FBXO46: variants seen among roughly 807,000 people sequenced by gnomAD.
The protein encoded by FBXO46 is F-box only protein 46.
Under a neutral mutation model 30.7 loss-of-function variants are expected in FBXO46, and 13 were observed. The ratio of observed to expected loss-of-function variants is 0.42; its 90% CI spans 0.28 to 0.67. The LOEUF (loss-of-function observed/expected upper bound fraction) is 0.67. FBXO46 is among the 30% of genes least tolerant of loss of function. The probability of loss-of-function intolerance (pLI) is 0.21; values close to 1 mark genes in which losing one functional copy is unlikely to be tolerated. For missense variants in FBXO46, 754 were observed against 871.5 expected (o/e 0.87, Z 1.70); for synonymous variants, 467 against 385.8 (o/e 1.21, Z -2.47).
chr19:45,711,611 G>C lies in FBXO46; in HGVS notation c.*73C>G. 5 of 1,224,138 alleles carry C rather than the reference G, an allele frequency of 4.1e-6. No individual in the cohort carries two copies. The highest frequency in any genetic ancestry group is 5.8e-6 in the Non-Finnish European group (5 of 862,780). 75.8% of individuals were successfully genotyped at this position (1,224,138 alleles called of 1,614,324 possible). On this transcript the variant is annotated 3_prime_UTR_variant, in exon 2 of 2. Transcript: ENST00000317683. ...AGTAGGGGAATGGGCAGGCGGCCCA[G>C]TCCGGACCCTCGGCTCCCGGGGGGA...
upstream of FBXO46, among the ~76,000 whole-genome samples, chr19:45,731,827 A>C (rs1968319023): frequency 6.6e-6 from 1 of 151,040 alleles, no homozygotes; most frequent in South Asian, 2.1e-4. Flanking sequence ...GCCTCTTAAA[A>C]TAAAAGAAGG....
chr19:45,732,764 T>C (rs1482997760), upstream of FBXO46, among the ~76,000 whole-genome samples: 3 of 151,658 alleles, frequency 2.0e-5, no homozygotes, highest in Non-Finnish European at 4.4e-5. Context: ...CTAATTTTTG[T>C]ATTTTTAGCC....
intron 1 of FBXO46, among the ~76,000 whole-genome samples, chr19:45,719,598 C>T (rs1258700244): frequency 1.3e-5 from 2 of 152,232 alleles, no homozygotes; most frequent in Non-Finnish European, 2.9e-5. Context: ...TCAATCTACA[C>T]CCTTGGTTGA....
In FBXO46 at chr19:45,712,303, C is replaced by G; in HGVS notation, c.1193G>C (p.Ser398Thr). ...GCCCGGAGGCGGCGGTTCCTCCGGGCTGACCGTCAGGCACACAGTCTCCTC... is the reference window on the plus strand; with the variant it reads ...GCCCGGAGGCGGCGGTTCCTCCGGGGTGACCGTCAGGCACACAGTCTCCTC... Reference protein sequence around the residue: ...VKEETVCLTVSPEEPPPPGQL... With the variant: ...VKEETVCLTVTPEEPPPPGQL... The change falls in exon 2 of 2, where the codon AGC becomes ACC. Residue 398 changes from serine (S) to threonine (T), a missense_variant. By Grantham distance (58) the Ser-to-Thr change is moderately conservative. Coordinates refer to ENST00000317683, the MANE Select transcript of FBXO46 (RefSeq NM_001080469.2). The surrounding 1 kb of genome is among the most constrained non-coding windows in gnomAD (Gnocchi z 8.8). 6.2e-7 allele frequency: 1 copy of G among 1,601,936 alleles called. No individual in the cohort carries two copies. Among genetic ancestry groups the G allele is most frequent in the East Asian group, 2.2e-5 (1 of 44,858 alleles).
intron 1 of FBXO46, among the ~76,000 whole-genome samples, chr19:45,728,362 C>T (rs1968265803): frequency 6.6e-6 from 1 of 152,232 alleles, no homozygotes; most frequent in African/African-American, 2.4e-5. Flanking sequence ...TTCCTCTCTA[C>T]TGCCTTCTCT....
Position 45,712,642 on chromosome 19 carries a change from C to G in FBXO46, c.854G>C (p.Arg285Thr), listed in dbSNP as rs1489987544. The change falls in exon 2 of 2, where the codon AGG (arginine) becomes ACG (threonine). Residue 285 changes from arginine (R) to threonine (T), a missense_variant. Arg to Thr is a moderately conservative substitution (Grantham distance 71). This residue lies in a region of FBXO46 where 454 missense variants were observed against 426.5 expected (regional missense o/e 1.06). Coordinates refer to ENST00000317683, the MANE Select transcript of FBXO46 (RefSeq NM_001080469.2). This position sits in a 1 kb window ranked among gnomAD's most constrained non-coding sequence, Gnocchi z 8.8. ...DSGLPSGGGG[R>T]PGCAYPGSPG... ...GCTGCCAGGGTAGGCACAACCAGGCCTGCCCCCGCCCCCACTGGGCAGGCC... is the reference window on the plus strand; with the variant it reads ...GCTGCCAGGGTAGGCACAACCAGGCGTGCCCCCGCCCCCACTGGGCAGGCC... 1.7e-5 allele frequency: 28 copies of G among 1,607,112 alleles called. No individual in the cohort carries two copies. Among genetic ancestry groups the G allele is most frequent in the Non-Finnish European group, 2.4e-5 (28 of 1,176,682 alleles).
intron 1 of FBXO46, among the ~76,000 whole-genome samples, chr19:45,717,778 T>TGGGGGCGGGGGGCG (rs1441771150): frequency 3.4e-5 from 3 of 88,640 alleles, no homozygotes; most frequent in African/African-American, 1.3e-4. Flanking sequence ...TTGGGAACTG[T>TGGGGGCGGGGGGCG]GGGGGCGGGG....
Position 45,713,601 on chromosome 19 carries a change from G to T in FBXO46, c.-78-28C>A. 2.1e-6 allele frequency: 2 copies of T among 932,974 alleles called. No homozygotes were observed. The highest frequency in any genetic ancestry group is 2.7e-5 in the East Asian group (1 of 37,406). 57.8% of individuals were successfully genotyped at this position (932,974 alleles called of 1,614,324 possible). A position where few individuals can be genotyped will look rare whatever the true frequency, so the allele number is the denominator to read the frequency against. The stretch of plus-strand genomic sequence containing the variant: ...GGAGACACGAAGAGGAGGTTGGGGA[G>T]CTAGGGGGACAGCCTTTCTTCCCAG... On this transcript the variant is annotated intron_variant, in intron 1 of 1. Coordinates refer to ENST00000317683, the MANE Select transcript of FBXO46 (RefSeq NM_001080469.2). This position sits in a 1 kb window ranked among gnomAD's most constrained non-coding sequence, Gnocchi z 4.7.
At chr19:45,725,021 A>T (rs755084562) in intron 1 of FBXO46, among the ~76,000 whole-genome samples, 2 of 151,982 alleles carry the variant, frequency 1.3e-5, no homozygotes, top group Non-Finnish European at 2.9e-5. Context: ...GATACTCTGG[A>T]GGCTGAAGCA....
At position 45,712,510 on chromosome 19, in the gene FBXO46, C is replaced by T. The variant is rs1480209239; in HGVS notation, c.986G>A (p.Arg329Lys). The T allele has an allele frequency of 6.2e-7, 1 of 1,603,656 alleles. No individual in the cohort carries two copies. The highest frequency in any genetic ancestry group is 8.5e-7 in the Non-Finnish European group (1 of 1,174,494). ...GTCACCCTCACTGGCCTCATCCGCC[C>T]TGGCCAGCAGGAACTCCACGTTGCT... ...LPSNVEFLLA[R>K]ADEASEGDSP... Residue 329 changes from arginine (R) to lysine (K), a missense_variant, in exon 2 of 2, where the codon AGG (arginine) becomes AAG (lysine). Coordinates refer to ENST00000317683, the MANE Select transcript of FBXO46 (RefSeq NM_001080469.2). The surrounding 1 kb of genome is among the most constrained non-coding windows in gnomAD (Gnocchi z 8.8).
chr19:45,721,615 C>G (rs1206828550), intron 1 of FBXO46, among the ~76,000 whole-genome samples: 1 of 148,544 alleles, frequency 6.7e-6, no homozygotes, highest in Middle Eastern at 3.6e-3. Context: ...TGCAGTGGCA[C>G]GATCTCGGCT....
At position 45,712,050 on chromosome 19, in the gene FBXO46, G is replaced by A; in HGVS notation, c.1446C>T (p.Val482=). The A allele has an allele frequency of 6.2e-7, 1 of 1,611,890 alleles. No homozygotes were observed. Among genetic ancestry groups the A allele is most frequent in the South Asian group, 1.1e-5 (1 of 90,862 alleles). The part of the protein sequence containing the change: ...YMLLLPEHVL[V]KIFSFLPTRA... The stretch of plus-strand genomic sequence containing the variant: ...GCGTGGGCAGGAAGCTGAAGATCTT[G>A]ACCAGCACGTGCTCGGGCAGCAGCA... Residue 482 remains valine, a synonymous_variant, in exon 2 of 2, where the codon GTC becomes GTT. Transcript: ENST00000317683. The surrounding 1 kb of genome is among the most constrained non-coding windows in gnomAD (Gnocchi z 8.8).
intron 1 of FBXO46, chr19:45,716,267 T>G (rs1023601722): frequency 2.0e-5 from 3 of 152,158 alleles, no homozygotes; most frequent in Non-Finnish European, 4.4e-5. Flanking sequence ...TAAGGGATAC[T>G]TGACCTGTAT....
At chr19:45,715,163 T>C (rs1468514984) in intron 1 of FBXO46, 1 of 152,206 alleles carries the variant, frequency 6.6e-6, no homozygotes, top group Non-Finnish European at 1.5e-5. Context: ...ACATGATCAC[T>C]TTCACTGCAG....
intron 1 of FBXO46, among the ~76,000 whole-genome samples, chr19:45,719,225 G>A (rs1441420921): frequency 1.3e-5 from 2 of 151,886 alleles, no homozygotes; most frequent in Non-Finnish European, 2.9e-5. Context: ...CTCCACTCTG[G>A]GTGACAGCAC....
At position 45,713,286 on chromosome 19, in the gene FBXO46, A is replaced by G. The variant is rs1190578959; in HGVS notation, c.210T>C (p.Ala70=). The part of the protein sequence containing the change: ...LATEVPASQP[A]PLLSAAAAGD... ...CAGCAGCTGCTGCTGAGAGGAGCGG[A>G]GCCGGCTGGGAGGCAGGGACCTCAG... The change falls in exon 2 of 2, where the codon GCT becomes GCC. Residue 70 remains alanine, a synonymous_variant. Transcript: ENST00000317683. This position sits in a 1 kb window ranked among gnomAD's most constrained non-coding sequence, Gnocchi z 4.7. 1 of 1,607,932 alleles carries G rather than the reference A, an allele frequency of 6.2e-7. No individual in the cohort carries two copies. The highest frequency in any genetic ancestry group is 8.5e-7 in the Non-Finnish European group (1 of 1,175,716).
At chr19:45,727,490 C>T (rs981773299) in intron 1 of FBXO46, among the ~76,000 whole-genome samples, 14 of 149,770 alleles carry the variant, frequency 9.3e-5, no homozygotes, top group Non-Finnish European at 1.2e-4. Context: ...ACCCGGGAGG[C>T]GGAGATTGCA....
chr19:45,717,814 G>T (rs1316534750), intron 1 of FBXO46, among the ~76,000 whole-genome samples: 1 of 151,830 alleles, frequency 6.6e-6, no homozygotes, highest in Non-Finnish European at 1.5e-5. Flanking sequence ...TCCGCGGGGG[G>T]AATTGGGCAT....
chr19:45,712,481 G>T lies in FBXO46; in HGVS notation c.1015C>A (p.Pro339Thr). The change falls in exon 2 of 2, where the codon CCG becomes ACG. Residue 339 changes from proline to threonine, a missense_variant. Pro to Thr is a conservative substitution (Grantham distance 38). Coordinates refer to ENST00000317683, the MANE Select transcript of FBXO46 (RefSeq NM_001080469.2). The surrounding 1 kb of genome is among the most constrained non-coding windows in gnomAD (Gnocchi z 8.8). ...GTGTCCTCAGGCCTGGCGGGTGCCG[G>T]GCTGTCACCCTCACTGGCCTCATCC... ...RADEASEGDS[P>T]APARPEDTPP... The T allele has an allele frequency of 6.2e-7, 1 of 1,607,710 alleles. No individual in the cohort carries two copies.
Sources: gnomAD v4.1 joint callset for allele counts (sites outside exome capture counted in the v4.1 genomes callset) on GRCh38, gnomAD v4.1.1 for gene constraint, gnomAD v4.1.1 regional missense constraint, Gnocchi (gnomAD v3.1) non-coding constraint, MANE v1.5 for transcripts, NCBI Gene and HGNC (gene_info 2026-07-23, HGNC 2026-07-21) for gene names.